RDH13: variants seen among roughly 807,000 people sequenced by gnomAD.
RDH13 encodes retinol dehydrogenase 13.
In RDH13, 35 loss-of-function variants were observed where a neutral mutation model predicts 28.3. The observed-to-expected ratio is 1.24, with a 90% confidence interval of 0.95 to 1.64. The LOEUF is 1.64. Among genes scored for constraint, RDH13 ranks in the 40% most tolerant of loss-of-function variants. The pLI is 0.00. For synonymous variants in RDH13, 229 were observed against 198.5 expected, an observed-to-expected ratio of 1.15 and a Z score of -1.29; for missense variants, 514 against 446.3, an observed-to-expected ratio of 1.15 and a Z score of -1.37.
At chr19:55,058,685 CTTTGT>C (rs141049443) in intron 2 of RDH13, among the ~76,000 whole-genome samples, 3,557 of 150,328 alleles carry the variant, frequency 0.024, 84 homozygotes, top group Non-Finnish European at 0.034. Context: ...TTTTGTTTTG[CTTTGT>C]TTTGTTTTGT....
intron 3 of RDH13, chr19:55,053,998 C>T (rs550116782): frequency 1.3e-5 from 2 of 152,318 alleles, no homozygotes; most frequent in South Asian, 4.1e-4. Flanking sequence ...TGCCTCTCAC[C>T]TACCCGACAA....
In RDH13 at chr19:55,061,791, CA is replaced by C. The variant is rs60108220; in HGVS notation, c.65+1176del. On this transcript the variant is annotated intron_variant, in intron 1 of 6. Coordinates refer to ENST00000415061, the MANE Select transcript of RDH13 (RefSeq NM_001145971.2). ...CTGGGTGACAGAGAGACCCTGTCTC[CA>C]AAAAAAAAAAAAGACTACATGATAA... Among the ~76,000 whole-genome samples the C allele has an allele frequency of 6.3e-3, 837 of 133,186 alleles. 5 individuals are homozygous for C. The highest frequency in any genetic ancestry group is 0.017 in the African/African-American group (603 of 34,742). 87.4% of individuals were successfully genotyped at this position (133,186 alleles called of 152,430 possible). A position where few individuals can be genotyped will look rare whatever the true frequency, so the allele number is the denominator to read the frequency against.
intron 2 of RDH13, among the ~76,000 whole-genome samples, chr19:55,058,818 C>T (rs1396853496): frequency 1.3e-5 from 2 of 152,156 alleles, no homozygotes; most frequent in Non-Finnish European, 1.5e-5. Flanking sequence ...GCAGCTGGGA[C>T]TACAGGTGCC....
At chr19:55,059,508 C>T (rs1467190805) in intron 1 of RDH13, among the ~76,000 whole-genome samples, 6 of 150,458 alleles carry the variant, frequency 4.0e-5, no homozygotes, top group African/African-American at 1.2e-4. Context: ...TATAAATGCT[C>T]ACTGCATGAG....
chr19:55,068,899 G>GAAGA (rs1417640760), intron 1 of RDH13: 1 of 3,848 alleles, frequency 2.6e-4, no homozygotes, highest in African/African-American at 8.5e-4. Flanking sequence ...GAAAGGAAGG[G>GAAGA]AAGGAAGGAA....
intron 1 of RDH13, among the ~76,000 whole-genome samples, chr19:55,060,658 C>A (rs1046819342): frequency 2.6e-5 from 4 of 152,006 alleles, no homozygotes. Flanking sequence ...CTAGAAATAC[C>A]CACAGGTGTG....
At chr19:55,067,792 T>A (rs917761353), upstream of RDH13, 3 of 152,280 alleles carry the variant, frequency 2.0e-5, no homozygotes, top group African/African-American at 7.2e-5. Flanking sequence ...GTCAACCAAC[T>A]GTTCCCCAGT....
In RDH13 at chr19:55,059,125, C is replaced by A. The variant is rs765828525; in HGVS notation, c.184+32G>T. On this transcript the variant is annotated intron_variant, in intron 2 of 6. Transcript: ENST00000415061. Reference sequence around the variant, plus strand: ...GCAGTGAGCATGGATGTACAGATATCTCTCTGAGAGCCAAAGCAGGGGAGA... The same window carrying A: ...GCAGTGAGCATGGATGTACAGATATATCTCTGAGAGCCAAAGCAGGGGAGA... 1.2e-5 allele frequency: 17 copies of A among 1,399,660 alleles called. No individual in the cohort carries two copies. The African/African-American group carries it at 1.8e-4, about 15-fold the overall frequency. 86.7% of individuals were successfully genotyped at this position (1,399,660 alleles called of 1,614,324 possible). A position where few individuals can be genotyped will look rare whatever the true frequency, so the allele number is the denominator to read the frequency against.
chr19:55,066,481 G>A (rs114967939), upstream of RDH13, among the ~76,000 whole-genome samples: 2 of 111,184 alleles, frequency 1.8e-5, no homozygotes, highest in African/African-American at 7.7e-5. Flanking sequence ...CTCTTCCTCT[G>A]TCCTCTTTTC....
chr19:55,048,138 A>G (rs988306073), intron 5 of RDH13, 191 bp downstream of exon 5: 34 of 1,533,370 alleles, frequency 2.2e-5, no homozygotes, highest in East Asian at 2.4e-5. Flanking sequence ...TGAACAGACA[A>G]TCCTCAGAAG....
chr19:55,047,289 C>A, intron 6 of RDH13, 98 bp downstream of exon 6: 1 of 1,515,074 alleles, frequency 6.6e-7, no homozygotes, highest in Non-Finnish European at 8.8e-7. Flanking sequence ...AGGCATGAGG[C>A]CTCAGGGACG....
chr19:55,060,252 C>T (rs965218350), intron 1 of RDH13, among the ~76,000 whole-genome samples: 14 of 151,640 alleles, frequency 9.2e-5, no homozygotes, highest in African/African-American at 3.4e-4. Flanking sequence ...TACATTTGTT[C>T]AATTCTGAGA....
intron 1 of RDH13, among the ~76,000 whole-genome samples, chr19:55,059,856 C>T (rs550049699): frequency 1.3e-5 from 2 of 152,256 alleles, no homozygotes; most frequent in South Asian, 4.1e-4. Context: ...CTCACAAAAA[C>T]CTGTGTTGTA....
At chr19:55,051,397 G>A (rs2075427852) in intron 3 of RDH13, among the ~76,000 whole-genome samples, 1 of 152,012 alleles carries the variant, frequency 6.6e-6, no homozygotes, top group Non-Finnish European at 1.5e-5. Context: ...CAGGAGTGCC[G>A]CCAGCTTCTG....
intron 1 of RDH13, 55 bp from the exon 2 acceptor site, chr19:55,059,330 C>G: frequency 8.4e-7 from 1 of 1,195,620 alleles, no homozygotes; most frequent in Non-Finnish European, 1.2e-6. Flanking sequence ...ACCCCACGTG[C>G]CCCTGACTGA....
At chr19:55,040,624 C>T (rs200504280), downstream of RDH13, 2 of 152,154 alleles carry the variant, frequency 1.3e-5, no homozygotes, top group East Asian at 3.8e-4. Flanking sequence ...CAGTTTTATC[C>T]ATTATAAATG....
upstream of RDH13, among the ~76,000 whole-genome samples, chr19:55,064,842 A>G (rs77787039): frequency 6.7e-5 from 8 of 119,678 alleles, no homozygotes; most frequent in African/African-American, 2.2e-4. Flanking sequence ...CAAACTCCTG[A>G]CCTCAGGTGA....
chr19:55,048,743 G>C lies in RDH13; in HGVS notation c.361C>G (p.Leu121Val). The change falls in exon 4 of 7, where the codon CTA becomes GTA. Residue 121 changes from leucine to valine, a missense_variant. Coordinates refer to ENST00000415061, the MANE Select transcript of RDH13 (RefSeq NM_001145971.2). ...CGCATCACACCCGCGTTGTTGATTA[G>C]AATGTCCACTCGCTCCTCCTCTGGA... ...IIEEEERVDI[L>V]INNAGVMRCP... The C allele has an allele frequency of 5.6e-6, 9 of 1,614,030 alleles. No homozygotes were observed. Among genetic ancestry groups the C allele is most frequent in the Non-Finnish European group, 7.6e-6 (9 of 1,179,992 alleles).
At chr19:55,064,665 G>A (rs1416000909), upstream of RDH13, among the ~76,000 whole-genome samples, 6 of 150,920 alleles carry the variant, frequency 4.0e-5, no homozygotes, top group Non-Finnish European at 5.9e-5. Flanking sequence ...CCAGGCTGGA[G>A]AGCAGTGGGC....
Sources: gnomAD v4.1 joint callset for allele counts (sites outside exome capture counted in the v4.1 genomes callset) on GRCh38, gnomAD v4.1.1 for gene constraint, MANE v1.5 for transcripts, NCBI Gene and HGNC (gene_info 2026-07-23, HGNC 2026-07-21) for gene names.